The following LGR5 variants were observed in gnomAD, a reference collection of about 807,000 sequenced individuals.
LGR5 encodes the protein leucine-rich repeat-containing G protein-coupled receptor 5.
A neutral mutation model predicts 76.7 loss-of-function variants in LGR5; 54 were observed. The ratio of observed to expected loss-of-function variants is 0.70; its 90% CI spans 0.57 to 0.88. LGR5 has a LOEUF of 0.88. LGR5 is among the 40% of genes least tolerant of loss of function. LGR5 has a pLI of 0.00. For synonymous variants in LGR5, 406 were observed against 421.9 expected, an observed-to-expected ratio of 0.96 and a Z score of 0.46; for missense variants, 1,078 against 1,073.3, an observed-to-expected ratio of 1.00 and a Z score of -0.06.
intron 6 of LGR5, among the ~76,000 whole-genome samples, chr12:71,559,381 G>T (rs1456342997): frequency 3.9e-5 from 6 of 152,116 alleles, no homozygotes; most frequent in Admixed American, 6.6e-5. Flanking sequence ...AATTTCTCAT[G>T]ATTAGTCAAA....
intron 12 of LGR5, 71 bp downstream of exon 12, chr12:71,571,650 G>C: frequency 8.9e-7 from 1 of 1,122,618 alleles, no homozygotes; most frequent in Non-Finnish European, 1.3e-6. Context: ...AGGGTCACTG[G>C]TTCATTTACC....
At chr12:71,576,158 G>A (rs777930397) in intron 13 of LGR5, among the ~76,000 whole-genome samples, 4 of 152,172 alleles carry the variant, frequency 2.6e-5, no homozygotes, top group Non-Finnish European at 4.4e-5. Flanking sequence ...TAGGTGATGG[G>A]TTGATAGGTG....
intron 5 of LGR5, among the ~76,000 whole-genome samples, chr12:71,554,616 C>T (rs550518614): frequency 3.9e-4 from 60 of 152,236 alleles, no homozygotes; most frequent in Non-Finnish European, 7.2e-4. Context: ...TAAATTCCTC[C>T]CAAAGTTAGT....
chr12:71,516,848 T>C (rs1343169358), intron 2 of LGR5, among the ~76,000 whole-genome samples: 1 of 152,176 alleles, frequency 6.6e-6, no homozygotes, highest in Non-Finnish European at 1.5e-5. Context: ...TGGGACAATA[T>C]GAGTCACATT....
intron 4 of LGR5, among the ~76,000 whole-genome samples, chr12:71,538,669 T>G (rs1876724912): frequency 6.6e-6 from 1 of 152,120 alleles, no homozygotes; most frequent in Non-Finnish European, 1.5e-5. Flanking sequence ...AGTAATGCAG[T>G]GAGATGCTGT....
chr12:71,472,085 A>T (rs1339391854), intron 1 of LGR5, among the ~76,000 whole-genome samples: 2 of 152,150 alleles, frequency 1.3e-5, no homozygotes. Context: ...CCAAAATCTC[A>T]GAAATCATCA....
intron 16 of LGR5, among the ~76,000 whole-genome samples, chr12:71,581,983 T>G (rs1179842176): frequency 6.6e-6 from 1 of 152,244 alleles, no homozygotes; most frequent in East Asian, 1.9e-4. Flanking sequence ...AGTAGTTATT[T>G]GTTTTGTCCT....
chr12:71,494,783 C>A (rs570356909), intron 1 of LGR5, among the ~76,000 whole-genome samples: 2 of 151,264 alleles, frequency 1.3e-5, no homozygotes, highest in East Asian at 3.9e-4. Context: ...CCCAGTTTAA[C>A]CTCGAGATCC....
chr12:71,471,322 G>T (rs1010836865), intron 1 of LGR5, among the ~76,000 whole-genome samples: 1 of 152,154 alleles, frequency 6.6e-6, no homozygotes, highest in African/African-American at 2.4e-5. Context: ...GCAATTAAAA[G>T]AAATTAAGTA....
intron 2 of LGR5, among the ~76,000 whole-genome samples, chr12:71,509,978 T>C (rs1264130511): frequency 6.6e-6 from 1 of 152,192 alleles, no homozygotes; most frequent in Non-Finnish European, 1.5e-5. Context: ...GAAAGCATAA[T>C]CTAGGCTTGT....
At chr12:71,571,883 G>T (rs374493538) in intron 12 of LGR5, among the ~76,000 whole-genome samples, 56 of 152,226 alleles carry the variant, frequency 3.7e-4, no homozygotes, top group African/African-American at 9.4e-4. Flanking sequence ...TATTTTAGAA[G>T]TACAACCAAA....
intron 1 of LGR5, among the ~76,000 whole-genome samples, chr12:71,496,295 C>T (rs1030654237): frequency 6.8e-6 from 1 of 147,278 alleles, no homozygotes; most frequent in African/African-American, 2.6e-5. Context: ...CACTTGAACC[C>T]AGGAGGTGGA....
intron 3 of LGR5, among the ~76,000 whole-genome samples, chr12:71,532,715 T>C (rs1876382430): frequency 1.3e-5 from 2 of 152,180 alleles, no homozygotes; most frequent in South Asian, 2.1e-4. Context: ...GTCAGGAGGT[T>C]AAATGAGTTT....
At chr12:71,543,396 A>T (rs74453728) in intron 4 of LGR5, among the ~76,000 whole-genome samples, 4,585 of 152,266 alleles carry the variant, frequency 0.03, 130 homozygotes, top group African/African-American at 0.078. Flanking sequence ...AAGACACAGG[A>T]AAGAACCATG....
At chr12:71,452,703 A>G (rs1489098868) in intron 1 of LGR5, among the ~76,000 whole-genome samples, 1 of 152,192 alleles carries the variant, frequency 6.6e-6, no homozygotes, top group Non-Finnish European at 1.5e-5. Flanking sequence ...CAACATGAGA[A>G]CATCTCTTGA....
At chr12:71,493,589 G>A (rs919031982) in intron 1 of LGR5, among the ~76,000 whole-genome samples, 1 of 151,072 alleles carries the variant, frequency 6.6e-6, no homozygotes, top group Non-Finnish European at 1.5e-5. Context: ...TGAGCAAAAG[G>A]ATTAGTAGGC....
chr12:71,527,864 G>A (rs373760387), intron 3 of LGR5, among the ~76,000 whole-genome samples: 4 of 152,150 alleles, frequency 2.6e-5, no homozygotes, highest in Admixed American at 1.3e-4. Flanking sequence ...GAGCATCTTT[G>A]GTTGTCCAGA....
intron 1 of LGR5, among the ~76,000 whole-genome samples, chr12:71,477,505 GATA>G (rs34520567): frequency 0.089 from 13,255 of 149,366 alleles, 634 homozygotes; most frequent in Non-Finnish European, 0.11. Flanking sequence ...TTATATATGT[GATA>G]ATAAAATATA....
Position 71,583,908 on chromosome 12 carries a change from A to G in LGR5, c.1898A>G (p.Asn633Ser). The G allele has an allele frequency of 6.2e-7, 1 of 1,614,052 alleles. No homozygotes were observed. Among genetic ancestry groups the G allele is most frequent in the Non-Finnish European group, 8.5e-7 (1 of 1,180,008 alleles). Residue 633 changes from asparagine (N) to serine (S), a missense_variant, in exon 18 of 18, where the codon AAT becomes AGT. Asn to Ser is a conservative substitution (Grantham distance 46). Coordinates refer to ENST00000266674, the MANE Select transcript of LGR5 (RefSeq NM_003667.4). Reference sequence around the variant, plus strand: ...GCACGACATGGTGCCTGGTGGGAGAATGGGGTTGGTTGCCATGTCATTGGT... The same window carrying G: ...GCACGACATGGTGCCTGGTGGGAGAGTGGGGTTGGTTGCCATGTCATTGGT... ...SFARHGAWWENGVGCHVIGFL... is the reference protein window; with the variant it reads ...SFARHGAWWESGVGCHVIGFL...
Sources: allele counts gnomAD v4.1 joint callset (sites outside exome capture counted in the v4.1 genomes callset), GRCh38; gene constraint gnomAD v4.1.1; transcripts MANE v1.5; gene names NCBI Gene and HGNC (gene_info 2026-07-23, HGNC 2026-07-21).